C1orf87: variants seen among roughly 807,000 people sequenced by gnomAD.
C1orf87 encodes the protein uncharacterized protein C1orf87.
Under a neutral mutation model 60.5 loss-of-function variants are expected in C1orf87, and 58 were observed. The observed-to-expected ratio is 0.96, with a 90% CI of 0.78 to 1.19. The LOEUF (loss-of-function observed/expected upper bound fraction) is 1.19, where lower values mean the gene tolerates loss of function less well. Ranked by LOEUF, C1orf87 falls within the 50% of genes most tolerant of loss-of-function variation. C1orf87 has a pLI of 0.00. For missense variants in C1orf87, 673 were observed against 638.6 expected, an observed-to-expected ratio of 1.05 and a Z score of -0.58; for synonymous variants, 236 against 227.4, an observed-to-expected ratio of 1.04 and a Z score of -0.34.
At chr1:60,035,891 G>T (rs1645272516) in intron 6 of C1orf87, among the ~76,000 whole-genome samples, 1 of 152,302 alleles carries the variant, frequency 6.6e-6, no homozygotes, top group Non-Finnish European at 1.5e-5. Flanking sequence ...CCGCTATGAA[G>T]GGGAAGGACT....
Position 60,072,572 on chromosome 1 carries a change from A to G in C1orf87, c.72T>C (p.Ser24=), listed in dbSNP as rs779738140. ...TCTCCACGAGGTATTGAAAGTGTTT[A>G]CTTCCAATGATTTTCACCATGATCT... ...MPEIMVKIIG[S]KHFQYLVEKP... The change falls in exon 2 of 12, where the codon AGT becomes AGC. Residue 24 remains serine, a synonymous_variant. Coordinates refer to ENST00000371201, the MANE Select transcript of C1orf87 (RefSeq NM_152377.3). 3.1e-6 allele frequency: 5 copies of G among 1,613,018 alleles called. No individual in the cohort carries two copies. Among genetic ancestry groups the G allele is most frequent in the Non-Finnish European group, 4.2e-6 (5 of 1,179,862 alleles).
intron 8 of C1orf87, among the ~76,000 whole-genome samples, chr1:60,022,571 T>C (rs562044697): frequency 7.9e-5 from 12 of 152,144 alleles, no homozygotes; most frequent in Admixed American, 6.5e-4. Flanking sequence ...CTATATATCC[T>C]ATGCACAAAT....
intron 8 of C1orf87, among the ~76,000 whole-genome samples, chr1:60,022,483 C>A (rs1283666120): frequency 6.6e-6 from 1 of 152,140 alleles, no homozygotes. Flanking sequence ...AAAGAAATTG[C>A]AGTAGTTTCC....
intron 9 of C1orf87, among the ~76,000 whole-genome samples, chr1:60,005,959 C>T (rs2100249703): frequency 6.6e-6 from 1 of 152,146 alleles, no homozygotes; most frequent in Middle Eastern, 3.4e-3. Context: ...CAAACTTGAT[C>T]TCTGATTAGT....
intron 2 of C1orf87, among the ~76,000 whole-genome samples, chr1:60,056,644 G>A (rs1645458780): frequency 6.6e-6 from 1 of 152,208 alleles, no homozygotes; most frequent in African/African-American, 2.4e-5. Context: ...CAATGTGCCA[G>A]AAGTTAACAG....
At chr1:60,028,030 A>G (rs571592830) in intron 7 of C1orf87, among the ~76,000 whole-genome samples, 2 of 152,194 alleles carry the variant, frequency 1.3e-5, no homozygotes, top group Non-Finnish European at 2.9e-5. Context: ...TAAAGGATCA[A>G]TAATTATTGA....
At chr1:59,997,386 G>A (rs1644970617) in intron 11 of C1orf87, among the ~76,000 whole-genome samples, 1 of 152,144 alleles carries the variant, frequency 6.6e-6, no homozygotes, top group Admixed American at 6.5e-5. Flanking sequence ...TTTGGCAGTA[G>A]GGTGCAGGAA....
rs1356477032 is a variant in C1orf87 at position 60,047,717 on chromosome 1, C to A, written c.343-6586G>T. On this transcript the variant is annotated intron_variant, in intron 3 of 11. Coordinates refer to ENST00000371201, the MANE Select transcript of C1orf87 (RefSeq NM_152377.3). The stretch of plus-strand genomic sequence containing the variant: ...TACCTATATTTTATTTCTTCTATAC[C>A]CCAAATAGCAAGTCCAAAAAAAAAA... Among the ~76,000 whole-genome samples, 3 of 128,792 alleles carry A rather than the reference C, an allele frequency of 2.3e-5. No individual in the cohort carries two copies. In the Admixed American group the frequency reaches 2.6e-4, roughly 11 times the overall value. The allele number at this position is 128,792 out of a possible 152,430, so 84.5% of individuals were successfully genotyped here.
intron 10 of C1orf87, among the ~76,000 whole-genome samples, chr1:59,999,037 C>T (rs1449912876): frequency 6.6e-6 from 1 of 152,094 alleles, no homozygotes; most frequent in Non-Finnish European, 1.5e-5. Context: ...ATCTGTGTTC[C>T]CCCAACTTTC....
At chr1:60,048,075 T>C (rs1645385996) in intron 3 of C1orf87, among the ~76,000 whole-genome samples, 1 of 152,190 alleles carries the variant, frequency 6.6e-6, no homozygotes, top group Admixed American at 6.5e-5. Context: ...TTAATTAAGA[T>C]TGGTCTATGT....
At chr1:59,994,378 T>C (rs1339004306) in intron 11 of C1orf87, among the ~76,000 whole-genome samples, 1 of 152,160 alleles carries the variant, frequency 6.6e-6, no homozygotes, top group African/African-American at 2.4e-5. Flanking sequence ...ACCATCCTAC[T>C]GGCTATTATT....
At chr1:60,015,803 G>A (rs935835786) in intron 8 of C1orf87, among the ~76,000 whole-genome samples, 2 of 152,156 alleles carry the variant, frequency 1.3e-5, no homozygotes, top group Non-Finnish European at 2.9e-5. Context: ...CCAGGCTGGA[G>A]TGCAGTGGCA....
intron 4 of C1orf87, 127 bp from the exon 5 acceptor site, chr1:60,040,307 ACAAGT>A: frequency 1.6e-6 from 2 of 1,214,418 alleles, no homozygotes; most frequent in Non-Finnish European, 2.3e-6. Flanking sequence ...CTGGAGCAGG[ACAAGT>A]CTGTGGCACT....
chr1:60,063,733 A>C (rs1450948094), intron 2 of C1orf87, among the ~76,000 whole-genome samples: 1 of 152,144 alleles, frequency 6.6e-6, no homozygotes, highest in Non-Finnish European at 1.5e-5. Flanking sequence ...GATGGAGGCG[A>C]GTACCTGTGG....
chr1:60,055,665 A>C (rs114422487), intron 2 of C1orf87, among the ~76,000 whole-genome samples: 1,960 of 152,274 alleles, frequency 0.013, 37 homozygotes, highest in African/African-American at 0.045. Flanking sequence ...CCTCTTCCTC[A>C]TACTCATAAT....
chr1:60,047,799 A>G (rs1407210441), intron 3 of C1orf87, among the ~76,000 whole-genome samples: 1 of 152,090 alleles, frequency 6.6e-6, no homozygotes, highest in Non-Finnish European at 1.5e-5. Flanking sequence ...ATATACACAC[A>G]GAGAATAACA....
intron 10 of C1orf87, among the ~76,000 whole-genome samples, chr1:59,999,489 C>A (rs566707027): frequency 1.1e-4 from 17 of 152,170 alleles, no homozygotes; most frequent in Non-Finnish European, 2.2e-4. Flanking sequence ...ATCACAGGTG[C>A]CCTTGGATCT....
At chr1:60,020,000 C>T (rs1389656902) in intron 8 of C1orf87, among the ~76,000 whole-genome samples, 1 of 152,188 alleles carries the variant, frequency 6.6e-6, no homozygotes, top group African/African-American at 2.4e-5. Flanking sequence ...AGGAAAAGCA[C>T]ATTTTCTGGG....
chr1:60,009,401 C>G (rs1307838467), intron 9 of C1orf87, among the ~76,000 whole-genome samples: 1 of 152,008 alleles, frequency 6.6e-6, no homozygotes, highest in African/African-American at 2.4e-5. Context: ...ATATTTCCAG[C>G]CTCCAGAACT....
Sources: gnomAD v4.1 joint callset for allele counts (sites outside exome capture counted in the v4.1 genomes callset) on GRCh38, gnomAD v4.1.1 for gene constraint, MANE v1.5 for transcripts, NCBI Gene and HGNC (gene_info 2026-07-23, HGNC 2026-07-21) for gene names.